LDLRAD3: variants seen among roughly 807,000 people sequenced by gnomAD.
LDLRAD3 encodes low-density lipoprotein receptor class A domain-containing protein 3.
A neutral mutation model predicts 29.4 loss-of-function variants in LDLRAD3; 20 were observed. The ratio of observed to expected loss-of-function variants is 0.68; its 90% CI spans 0.48 to 0.99. The LOEUF is 0.99. Among genes scored for constraint, LDLRAD3 ranks in the 50% least tolerant of loss-of-function variants. The pLI is 0.00. For missense variants in LDLRAD3, 420 were observed against 454.3 expected, an observed-to-expected ratio of 0.92 and a Z score of 0.69; for synonymous variants, 157 against 192.7, an observed-to-expected ratio of 0.81 and a Z score of 1.53.
intron 1 of LDLRAD3, among the ~76,000 whole-genome samples, chr11:35,973,622 G>A (rs1039950337): frequency 2.0e-5 from 3 of 150,402 alleles, no homozygotes; most frequent in Non-Finnish European, 2.9e-5. Context: ...ACGCCACCAC[G>A]CCTGGCTAAT....
At chr11:35,977,725 TC>T (rs1851493205) in intron 1 of LDLRAD3, among the ~76,000 whole-genome samples, 2 of 152,034 alleles carry the variant, frequency 1.3e-5, no homozygotes, top group Non-Finnish European at 2.9e-5. Context: ...AAGTCCAAGA[TC>T]AAGTCACCAG....
At chr11:36,121,072 G>A (rs1014567014) in intron 4 of LDLRAD3, among the ~76,000 whole-genome samples, 4 of 152,130 alleles carry the variant, frequency 2.6e-5, no homozygotes, top group African/African-American at 7.2e-5. Flanking sequence ...CTAAGCCACC[G>A]CCTCTCTAGT....
At chr11:36,170,237 T>C (rs922202406) in intron 4 of LDLRAD3, among the ~76,000 whole-genome samples, 9 of 150,168 alleles carry the variant, frequency 6.0e-5, no homozygotes, top group African/African-American at 2.2e-4. Flanking sequence ...CCATGGTGTG[T>C]ATGTGTGTGT....
chr11:36,121,581 T>C lies in LDLRAD3; in HGVS notation c.454+23120T>C, dbSNP rs1426135350. Among the ~76,000 whole-genome samples the C allele has an allele frequency of 2.6e-5, 4 of 152,278 alleles. No individual in the cohort carries two copies. The East Asian group carries it at 5.8e-4, about 22-fold the overall frequency. On this transcript the variant is annotated intron_variant, in intron 4 of 5. Coordinates refer to ENST00000315571, the MANE Select transcript of LDLRAD3 (RefSeq NM_174902.4). ...CGCCATGAGTATCAAATTATTATGG[T>C]TCGGGAAAATAATTGCTGGTTGTGG...
rs7945963 is a variant in LDLRAD3 at position 35,978,256 on chromosome 11, A to G, written c.46+34112A>G. On this transcript the variant is annotated intron_variant, in intron 1 of 5. Coordinates refer to ENST00000315571, the MANE Select transcript of LDLRAD3 (RefSeq NM_174902.4). ...ACTGAAGGCTGTTTCCCATTGCATC[A>G]AAGGCAAAATCCAAACTGTAGTCGT... 7.2e-3 allele frequency among the ~76,000 whole-genome samples: 1,093 copies of G among 152,342 alleles called. 24 individuals are homozygous for G. The highest frequency in any genetic ancestry group is 0.061 in the South Asian group (295 of 4,834).
intron 1 of LDLRAD3, among the ~76,000 whole-genome samples, chr11:36,018,520 T>C (rs1317738920): frequency 6.6e-6 from 1 of 152,158 alleles, no homozygotes; most frequent in East Asian, 1.9e-4. Flanking sequence ...TTTAAAGTTT[T>C]GGACTTTTAC....
intron 3 of LDLRAD3, among the ~76,000 whole-genome samples, chr11:36,085,903 G>C (rs1853189080): frequency 6.6e-6 from 1 of 152,094 alleles, no homozygotes; most frequent in Non-Finnish European, 1.5e-5. Flanking sequence ...ATAAGCATGA[G>C]CCACCACACC....
At chr11:36,154,997 C>CCACCCTCT (rs1331714467) in intron 4 of LDLRAD3, among the ~76,000 whole-genome samples, 2 of 152,196 alleles carry the variant, frequency 1.3e-5, no homozygotes, top group African/African-American at 4.8e-5. Context: ...TCCCTGTTTT[C>CCACCCTCT]CACCCTCTCA....
At chr11:36,074,977 G>T (rs532796687) in intron 2 of LDLRAD3, among the ~76,000 whole-genome samples, 1 of 152,300 alleles carries the variant, frequency 6.6e-6, no homozygotes, top group South Asian at 2.1e-4. Context: ...CCCTTGGCTG[G>T]CAGCTGGGAA....
intron 1 of LDLRAD3, 48 bp from the exon 2 acceptor site, chr11:36,036,055 G>A: frequency 6.3e-7 from 1 of 1,590,290 alleles, no homozygotes; most frequent in Non-Finnish European, 8.6e-7. Context: ...GGGGCGCTGA[G>A]GTCCCTGCTG....
intron 4 of LDLRAD3, among the ~76,000 whole-genome samples, chr11:36,141,438 A>G (rs779048477): frequency 6.6e-6 from 1 of 152,206 alleles, no homozygotes; most frequent in Non-Finnish European, 1.5e-5. Context: ...AGGATGTGGA[A>G]GCGGATGCAT....
At chr11:36,100,989 A>G (rs970677574) in intron 4 of LDLRAD3, among the ~76,000 whole-genome samples, 1 of 152,118 alleles carries the variant, frequency 6.6e-6, no homozygotes, top group African/African-American at 2.4e-5. Context: ...CTCTCTCACC[A>G]TATTCCACGT....
At chr11:36,024,382 C>G (rs1012240895) in intron 1 of LDLRAD3, among the ~76,000 whole-genome samples, 1 of 151,736 alleles carries the variant, frequency 6.6e-6, no homozygotes, top group Non-Finnish European at 1.5e-5. Flanking sequence ...TTATTTGTAT[C>G]TATCATCCCT....
At chr11:35,996,311 G>C (rs1043678769) in intron 1 of LDLRAD3, among the ~76,000 whole-genome samples, 3 of 152,156 alleles carry the variant, frequency 2.0e-5, no homozygotes, top group African/African-American at 7.2e-5. Context: ...AAAGAAATTG[G>C]GGAACGGCCT....
chr11:35,972,978 G>T (rs1056797218), intron 1 of LDLRAD3, among the ~76,000 whole-genome samples: 1 of 150,978 alleles, frequency 6.6e-6, no homozygotes, highest in Non-Finnish European at 1.5e-5. Flanking sequence ...ACTTGAACCC[G>T]GGAGGCAGAG....
At chr11:36,136,849 G>A (rs1043386251) in intron 4 of LDLRAD3, among the ~76,000 whole-genome samples, 2 of 152,014 alleles carry the variant, frequency 1.3e-5, no homozygotes, top group Admixed American at 1.3e-4. Flanking sequence ...TGCCACCACA[G>A]CTGGCTAATT....
chr11:35,973,052 CAAAAAA>C (rs775477148), intron 1 of LDLRAD3, among the ~76,000 whole-genome samples: 1 of 48,864 alleles, frequency 2.0e-5, no homozygotes, highest in African/African-American at 5.7e-5. Flanking sequence ...GACTCCATCT[CAAAAAA>C]AAAAAAAAAA....
At chr11:36,156,312 C>G (rs1213200558) in intron 4 of LDLRAD3, among the ~76,000 whole-genome samples, 1 of 152,216 alleles carries the variant, frequency 6.6e-6, no homozygotes, top group Non-Finnish European at 1.5e-5. Flanking sequence ...GCTGTTTGCA[C>G]ATACACATTG....
In LDLRAD3 at chr11:36,084,096, AT is replaced by A. The variant is rs11373734; in HGVS notation, c.319+2327del. 2.1e-4 allele frequency among the ~76,000 whole-genome samples: 32 copies of A among 150,892 alleles called. No homozygotes were observed. In the East Asian group the frequency reaches 3.9e-3, roughly 19 times the overall value. ...ACCACACCCTCCTAATTTAAAAGCA[AT>A]TTTTTTTTGTAGAGATGACATTTTA... On this transcript the variant is annotated intron_variant, in intron 3 of 5. Transcript: ENST00000315571.
Sources: gnomAD v4.1 joint callset for allele counts (sites outside exome capture counted in the v4.1 genomes callset) on GRCh38, gnomAD v4.1.1 for gene constraint, MANE v1.5 for transcripts, NCBI Gene and HGNC (gene_info 2026-07-23, HGNC 2026-07-21) for gene names.